ST6GALNAC5: variants seen among roughly 807,000 people sequenced by gnomAD.
The protein encoded by ST6GALNAC5 is ST6 N-acetylgalactosaminide alpha-2,6-sialyltransferase 5.
Under a neutral mutation model 33.6 loss-of-function variants are expected in ST6GALNAC5, and 27 were observed. The ratio of observed to expected loss-of-function variants is 0.80; its 90% CI spans 0.59 to 1.11. ST6GALNAC5 has a LOEUF of 1.11. ST6GALNAC5 is among the 50% of genes least tolerant of loss of function. The probability of loss-of-function intolerance (pLI) is 0.00; values close to 1 mark genes in which losing one functional copy is unlikely to be tolerated. For synonymous variants in ST6GALNAC5, 194 were observed against 171.2 expected, an observed-to-expected ratio of 1.13 and a Z score of -1.04; for missense variants, 428 against 454.0, an observed-to-expected ratio of 0.94 and a Z score of 0.52.
chr1:76,938,400 G>C (rs1432848760), intron 2 of ST6GALNAC5, among the ~76,000 whole-genome samples: 13 of 152,092 alleles, frequency 8.5e-5, no homozygotes, highest in Admixed American at 8.5e-4. Context: ...CGTATCATTT[G>C]TAGATGGAAG....
intron 3 of ST6GALNAC5, among the ~76,000 whole-genome samples, chr1:77,049,015 T>C (rs1652121790): frequency 6.6e-6 from 1 of 152,092 alleles, no homozygotes; most frequent in African/African-American, 2.4e-5. Context: ...TACAATGGAA[T>C]AGGGGAATGA....
In ST6GALNAC5 at chr1:76,868,808, C is replaced by G. The variant is rs993103572; in HGVS notation, c.261+66C>G. 2.1e-6 allele frequency: 3 copies of G among 1,432,998 alleles called. No individual in the cohort carries two copies. The highest frequency in any genetic ancestry group is 2.7e-6 in the Non-Finnish European group (3 of 1,099,492). 88.8% of individuals were successfully genotyped at this position (1,432,998 alleles called of 1,614,324 possible). A position where few individuals can be genotyped will look rare whatever the true frequency, so the allele number is the denominator to read the frequency against. ...GGATCCCGCACACCTGAGCCTTCCC[C>G]CTTTCCCGGGGCTGGGAGGCGCTGT... On this transcript the variant is annotated intron_variant, in intron 2 of 4. Coordinates refer to ENST00000477717, the MANE Select transcript of ST6GALNAC5 (RefSeq NM_030965.3). The surrounding 1 kb of genome is among the most constrained non-coding windows in gnomAD (Gnocchi z 4.3).
At chr1:77,045,211 G>A (rs759609848) in intron 3 of ST6GALNAC5, among the ~76,000 whole-genome samples, 11 of 152,158 alleles carry the variant, frequency 7.2e-5, no homozygotes, top group East Asian at 1.9e-4. Context: ...ATTAAGACAC[G>A]AAATCAATGT....
intron 2 of ST6GALNAC5, among the ~76,000 whole-genome samples, chr1:76,874,927 A>T (rs1226006833): frequency 3.3e-5 from 5 of 152,210 alleles, no homozygotes; most frequent in Non-Finnish European, 7.3e-5. Flanking sequence ...TAACATAATA[A>T]AACTATCCTT....
intron 2 of ST6GALNAC5, among the ~76,000 whole-genome samples, chr1:76,961,182 T>C (rs910874045): frequency 1.3e-5 from 2 of 152,158 alleles, no homozygotes; most frequent in Admixed American, 6.5e-5. Context: ...AGCCGGTCCC[T>C]CCATTCGGGG....
chr1:76,940,533 G>A (rs1311794182), intron 2 of ST6GALNAC5, among the ~76,000 whole-genome samples: 1 of 151,978 alleles, frequency 6.6e-6, no homozygotes, highest in South Asian at 2.1e-4. Flanking sequence ...AACTAGAAGG[G>A]ACCTTAGAAA....
chr1:76,892,337 A>G (rs1057037718), intron 2 of ST6GALNAC5, among the ~76,000 whole-genome samples: 2 of 152,230 alleles, frequency 1.3e-5, no homozygotes, highest in African/African-American at 4.8e-5. Context: ...CAACACCTTA[A>G]GATAGATCTT....
chr1:76,913,251 C>T (rs904758778), intron 2 of ST6GALNAC5, among the ~76,000 whole-genome samples: 3 of 151,902 alleles, frequency 2.0e-5, no homozygotes, highest in African/African-American at 7.3e-5. Context: ...TTGGCCCCCA[C>T]TCTCTTCTGG....
intron 4 of ST6GALNAC5, among the ~76,000 whole-genome samples, chr1:77,061,363 A>T (rs1473657133): frequency 6.6e-6 from 1 of 151,828 alleles, no homozygotes; most frequent in Non-Finnish European, 1.5e-5. Context: ...CCTCTTGATA[A>T]AAGACTTCGA....
intron 2 of ST6GALNAC5, among the ~76,000 whole-genome samples, chr1:76,905,462 G>T (rs995071850): frequency 6.6e-6 from 1 of 152,176 alleles, no homozygotes; most frequent in Non-Finnish European, 1.5e-5. Context: ...AGAAGGTATA[G>T]ACAGGTGCAA....
rs113832855 is a variant in ST6GALNAC5, at chr1:76,868,591, C to CGCAGCAGCAGCAGCA, written c.120_134dup (p.Gln45_Gln49dup). Reference sequence around the variant, plus strand: ...CTCGGCGGCCAGAAGGAGCGGCCCCCGCAGCAGCAGCAGCAGCAGCAGCAA... The same window carrying CGCAGCAGCAGCAGCA: ...CTCGGCGGCCAGAAGGAGCGGCCCCCGCAGCAGCAGCAGCAGCAGCAGCAGCAGCAGCAGCAGCAA... On this transcript the variant is annotated inframe_insertion, in exon 2 of 5. Transcript: ENST00000477717. This position sits in a 1 kb window ranked among gnomAD's most constrained non-coding sequence, Gnocchi z 4.3. 3.1e-6 allele frequency: 5 copies of CGCAGCAGCAGCAGCA among 1,609,734 alleles called. No homozygotes were observed. The highest frequency in any genetic ancestry group is 1.1e-5 in the South Asian group (1 of 90,902).
rs1246932029 is a variant in ST6GALNAC5, at chr1:77,065,786, G to A, written c.*2580G>A. On this transcript the variant is annotated 3_prime_UTR_variant, in exon 5 of 5. Coordinates refer to ENST00000477717, the MANE Select transcript of ST6GALNAC5 (RefSeq NM_030965.3). Reference sequence around the variant, plus strand: ...TGTGTTTGATGCCTAAGTCATACTCGTTATGTTACATGCCTTTTTCCTCTC... The same window carrying A: ...TGTGTTTGATGCCTAAGTCATACTCATTATGTTACATGCCTTTTTCCTCTC... The A allele has an allele frequency of 5.3e-5, 8 of 152,144 alleles. No individual in the cohort carries two copies. Among genetic ancestry groups the A allele is most frequent in the South Asian group, 2.1e-4 (1 of 4,820 alleles). The allele number at this position is 152,144 out of a possible 1,614,324, so 9.4% of individuals were successfully genotyped here.
chr1:76,953,055 A>G (rs1647816431), intron 2 of ST6GALNAC5, among the ~76,000 whole-genome samples: 1 of 152,178 alleles, frequency 6.6e-6, no homozygotes, highest in Admixed American at 6.6e-5. Context: ...CATTGTGCAG[A>G]TAAACCAGAA....
rs373585737 is a variant in ST6GALNAC5 at position 76,895,759 on chromosome 1, G to A, written c.261+27017G>A. Among the ~76,000 whole-genome samples, 69 of 152,302 alleles carry A rather than the reference G, an allele frequency of 4.5e-4. 1 individual carries two copies. The East Asian group carries it at 0.011, about 23-fold the overall frequency. On this transcript the variant is annotated intron_variant, in intron 2 of 4. Transcript: ENST00000477717. Reference sequence around the variant, plus strand: ...GAGTAGTTGAGAACGGTGAATAGGAGTATGACTAGACAGAAGATAGTAGGG... The same window carrying A: ...GAGTAGTTGAGAACGGTGAATAGGAATATGACTAGACAGAAGATAGTAGGG...
At chr1:77,021,550 G>A (rs553583803) in intron 2 of ST6GALNAC5, among the ~76,000 whole-genome samples, 31 of 152,080 alleles carry the variant, frequency 2.0e-4, no homozygotes, top group Non-Finnish European at 3.1e-4. Flanking sequence ...ATAAGCAATA[G>A]GCAATATCCA....
intron 2 of ST6GALNAC5, among the ~76,000 whole-genome samples, chr1:76,897,927 A>G (rs980128050): frequency 9.9e-5 from 15 of 152,204 alleles, no homozygotes; most frequent in African/African-American, 2.9e-4. Context: ...GGTAGCCTCC[A>G]TATTGATTAA....
intron 2 of ST6GALNAC5, among the ~76,000 whole-genome samples, chr1:76,891,126 G>A (rs1654004059): frequency 6.6e-6 from 1 of 152,090 alleles, no homozygotes; most frequent in Non-Finnish European, 1.5e-5. Flanking sequence ...TGTATCATAT[G>A]GTAACCTGAG....
At chr1:76,947,179 C>T (rs1003136851) in intron 2 of ST6GALNAC5, among the ~76,000 whole-genome samples, 3 of 152,000 alleles carry the variant, frequency 2.0e-5, no homozygotes, top group South Asian at 2.1e-4. Context: ...ATGTTTTATA[C>T]ATCTAGGTCA....
At position 76,868,878 on chromosome 1, in the gene ST6GALNAC5, G is replaced by A. The variant is rs1653430147; in HGVS notation, c.261+136G>A. ...GCTGGAGGGGAGTGGACCCGCTGGG[G>A]TAGGGTGGGCTAGTTCCAACTTGGT... On this transcript the variant is annotated intron_variant, in intron 2 of 4. Coordinates refer to ENST00000477717, the MANE Select transcript of ST6GALNAC5 (RefSeq NM_030965.3). The surrounding 1 kb of genome is among the most constrained non-coding windows in gnomAD (Gnocchi z 4.3). 7.4e-7 allele frequency: 1 copy of A among 1,354,802 alleles called. No homozygotes were observed. The highest frequency in any genetic ancestry group is 9.6e-7 in the Non-Finnish European group (1 of 1,037,436). 83.9% of individuals were successfully genotyped at this position (1,354,802 alleles called of 1,614,324 possible).
Sources: gnomAD v4.1 joint callset for allele counts (sites outside exome capture counted in the v4.1 genomes callset) on GRCh38, gnomAD v4.1.1 for gene constraint, Gnocchi (gnomAD v3.1) non-coding constraint, MANE v1.5 for transcripts, NCBI Gene and HGNC (gene_info 2026-07-23, HGNC 2026-07-21) for gene names.